RSRC1: variants seen among roughly 807,000 people sequenced by gnomAD.
The protein encoded by RSRC1 is arginine and serine rich coiled-coil 1.
In RSRC1, 39 loss-of-function variants were observed where a neutral mutation model predicts 49.1. The observed-to-expected ratio is 0.79, with a 90% confidence interval of 0.61 to 1.04. The LOEUF is 1.04. RSRC1 is among the 50% of genes least tolerant of loss of function. RSRC1 has a pLI of 0.00. For missense variants in RSRC1, 388 were observed against 402.4 expected, an observed-to-expected ratio of 0.96 and a Z score of 0.31; for synonymous variants, 143 against 130.8, an observed-to-expected ratio of 1.09 and a Z score of -0.63.
chr3:158,145,663 G>A (rs1172912889), intron 3 of RSRC1, among the ~76,000 whole-genome samples: 5 of 152,096 alleles, frequency 3.3e-5, no homozygotes, highest in Non-Finnish European at 5.9e-5. Flanking sequence ...TTTCAATTCT[G>A]TGAAGAAAGT....
At chr3:158,395,579 C>T (rs1326001499) in intron 6 of RSRC1, among the ~76,000 whole-genome samples, 2 of 152,068 alleles carry the variant, frequency 1.3e-5, no homozygotes, top group African/African-American at 4.8e-5. Context: ...CAAAAATGTG[C>T]TCAACTTCAC....
chr3:158,468,002 T>C (rs547172722), intron 7 of RSRC1, among the ~76,000 whole-genome samples: 10 of 152,150 alleles, frequency 6.6e-5, no homozygotes, highest in Admixed American at 1.3e-4. Flanking sequence ...AGCACAATCT[T>C]GGCTCACTGC....
chr3:158,482,867 T>C (rs1311382751), intron 7 of RSRC1, among the ~76,000 whole-genome samples: 1 of 152,032 alleles, frequency 6.6e-6, no homozygotes, highest in Non-Finnish European at 1.5e-5. Context: ...GATATGAGAT[T>C]AGATGTTGGA....
At chr3:158,168,866 G>A (rs1718690693) in intron 3 of RSRC1, among the ~76,000 whole-genome samples, 1 of 152,086 alleles carries the variant, frequency 6.6e-6, no homozygotes, top group South Asian at 2.1e-4. Flanking sequence ...TTTGGTTTGA[G>A]AAATTAAAAT....
intron 3 of RSRC1, among the ~76,000 whole-genome samples, chr3:158,155,150 C>T (rs1717785338): frequency 6.6e-6 from 1 of 152,146 alleles, no homozygotes; most frequent in Non-Finnish European, 1.5e-5. Context: ...TTGACTTCCT[C>T]CTGTGAATCA....
intron 5 of RSRC1, among the ~76,000 whole-genome samples, chr3:158,353,995 C>T (rs200758437): frequency 6.1e-4 from 59 of 96,280 alleles, no homozygotes; most frequent in South Asian, 1.6e-3. Flanking sequence ...GTTTCTTTTT[C>T]TTTTTTTTTT....
At chr3:158,213,204 G>A (rs1721777523) in intron 4 of RSRC1, among the ~76,000 whole-genome samples, 1 of 151,858 alleles carries the variant, frequency 6.6e-6, no homozygotes, top group Admixed American at 6.6e-5. Flanking sequence ...TAATATCCTA[G>A]TATAAAATGA....
At chr3:158,460,639 A>G (rs1162428342) in intron 6 of RSRC1, among the ~76,000 whole-genome samples, 1 of 151,916 alleles carries the variant, frequency 6.6e-6, no homozygotes, top group Admixed American at 6.6e-5. Context: ...ACTTTTAATG[A>G]CAAACAACTT....
chr3:158,141,817 G>A (rs988329636), intron 3 of RSRC1, among the ~76,000 whole-genome samples: 2 of 152,138 alleles, frequency 1.3e-5, no homozygotes, highest in Non-Finnish European at 2.9e-5. Context: ...AGATTTCTCG[G>A]CCAGGCGTGG....
At position 158,436,506 on chromosome 3, in the gene RSRC1, A is replaced by G. The variant is rs534293894; in HGVS notation, c.584-24429A>G. Among the ~76,000 whole-genome samples the G allele has an allele frequency of 1.3e-4, 20 of 152,148 alleles. 2 individuals are homozygous for G. The South Asian group carries it at 3.7e-3, about 28-fold the overall frequency. Reference sequence around the variant, plus strand: ...TGCCCACACGTGCATGCATGCACACATACATATATACACACCAGATTCTAT... The same window carrying G: ...TGCCCACACGTGCATGCATGCACACGTACATATATACACACCAGATTCTAT... On this transcript the variant is annotated intron_variant, in intron 6 of 9. Coordinates refer to ENST00000611884, the MANE Select transcript of RSRC1 (RefSeq NM_001271838.2).
chr3:158,524,610 A>G (rs1711895418), intron 7 of RSRC1, among the ~76,000 whole-genome samples: 1 of 152,046 alleles, frequency 6.6e-6, no homozygotes, highest in Non-Finnish European at 1.5e-5. Context: ...ATGACGAGTT[A>G]ATTCAAGTTT....
At chr3:158,225,951 A>G (rs940420563) in intron 4 of RSRC1, among the ~76,000 whole-genome samples, 3 of 151,942 alleles carry the variant, frequency 2.0e-5, no homozygotes, top group African/African-American at 7.2e-5. Context: ...AGAGGTTAGT[A>G]TTATCAGCAC....
chr3:158,353,566 T>C (rs1054487804), intron 5 of RSRC1, among the ~76,000 whole-genome samples: 1 of 152,200 alleles, frequency 6.6e-6, no homozygotes, highest in East Asian at 1.9e-4. Flanking sequence ...TAATACGTTC[T>C]CCCAGTCTCC....
intron 6 of RSRC1, among the ~76,000 whole-genome samples, chr3:158,455,981 A>AAAAAC (rs1737291481): frequency 3.3e-5 from 1 of 30,684 alleles, no homozygotes; most frequent in Non-Finnish European, 6.2e-5. Flanking sequence ...CTCCATCTCA[A>AAAAAC]AAAAAAAAAA....
At chr3:158,197,110 G>A (rs935591663) in intron 3 of RSRC1, among the ~76,000 whole-genome samples, 39 of 152,230 alleles carry the variant, frequency 2.6e-4, no homozygotes, top group Non-Finnish European at 4.4e-4. Context: ...GGTAGAATTT[G>A]GCTGTGAATC....
At chr3:158,281,208 G>C (rs1726143748) in intron 4 of RSRC1, among the ~76,000 whole-genome samples, 1 of 152,088 alleles carries the variant, frequency 6.6e-6, no homozygotes, top group African/African-American at 2.4e-5. Flanking sequence ...TTGATTCCCA[G>C]GTTTTTGGCT....
At chr3:158,231,932 G>A (rs1322694298) in intron 4 of RSRC1, among the ~76,000 whole-genome samples, 1 of 152,046 alleles carries the variant, frequency 6.6e-6, no homozygotes, top group Non-Finnish European at 1.5e-5. Context: ...ACAAAGAAAA[G>A]TGAAAAATAG....
intron 4 of RSRC1, among the ~76,000 whole-genome samples, chr3:158,284,584 T>A (rs1462300027): frequency 3.4e-5 from 5 of 145,140 alleles, no homozygotes; most frequent in African/African-American, 1.3e-4. Context: ...TGATTGCCAT[T>A]CTAACTGGTG....
chr3:158,526,123 T>C (rs1712007812), intron 7 of RSRC1, among the ~76,000 whole-genome samples: 1 of 151,976 alleles, frequency 6.6e-6, no homozygotes, highest in South Asian at 2.1e-4. Context: ...TGCACTTCAT[T>C]ATTGATATAG....
Sources: gnomAD v4.1 joint callset for allele counts (sites outside exome capture counted in the v4.1 genomes callset) on GRCh38, gnomAD v4.1.1 for gene constraint, MANE v1.5 for transcripts, NCBI Gene and HGNC (gene_info 2026-07-23, HGNC 2026-07-21) for gene names.